Variants in SCUBE1 observed in about 807,000 individuals in gnomAD.
SCUBE1 encodes signal peptide, CUB domain and EGF like domain containing 1, also known as signal peptide, CUB and EGF-like domain-containing protein 1.
In SCUBE1, 59 loss-of-function variants were observed where a neutral mutation model predicts 124.4. The ratio of observed to expected loss-of-function variants is 0.47; its 90% confidence interval spans 0.38 to 0.59. SCUBE1 has a LOEUF of 0.59. Ranked by LOEUF, SCUBE1 falls within the 20% of genes least tolerant of loss-of-function variation. The pLI is 0.00. For synonymous variants in SCUBE1, 545 were observed against 550.9 expected, an observed-to-expected ratio of 0.99 and a Z score of 0.15; for missense variants, 1,150 against 1,371.2, an observed-to-expected ratio of 0.84 and a Z score of 2.55.
chr22:43,204,941 C>CA (rs55783565), intron 21 of SCUBE1, among the ~76,000 whole-genome samples: 3,202 of 76,990 alleles, frequency 0.042, 91 homozygotes, highest in African/African-American at 0.1. Flanking sequence ...GAGACTGTCT[C>CA]AAAAAAAAAA....
At chr22:43,283,260 C>T (rs1009026783) in intron 4 of SCUBE1, 2 of 152,200 alleles carry the variant, frequency 1.3e-5, no homozygotes, top group African/African-American at 4.8e-5. Context: ...TAAACACTGA[C>T]AGACAGCCGT....
At chr22:43,222,884 G>A (rs1194660936) in intron 11 of SCUBE1, 142 bp from the exon 12 acceptor site, 2 of 938,942 alleles carry the variant, frequency 2.1e-6, no homozygotes, top group African/African-American at 3.3e-5. Context: ...CAACCACAGG[G>A]AAGTGGCCAG....
chr22:43,226,107 T>C lies in SCUBE1; in HGVS notation c.1207+1267A>G, dbSNP rs545534826. 5.3e-5 allele frequency among the ~76,000 whole-genome samples: 8 copies of C among 152,286 alleles called. No homozygotes were observed. In the South Asian group the frequency reaches 1.7e-3, roughly 32 times the overall value. On this transcript the variant is annotated intron_variant, in intron 10 of 21. Coordinates refer to ENST00000360835, the MANE Select transcript of SCUBE1 (RefSeq NM_173050.5). ...TTCACTGACAAATATTTACTCTGTG[T>C]CTGTGATTGTCAGGGTCTGTTCCAG...
At chr22:43,249,261 C>T (rs971098613) in intron 6 of SCUBE1, among the ~76,000 whole-genome samples, 2 of 151,250 alleles carry the variant, frequency 1.3e-5, no homozygotes, top group Non-Finnish European at 1.5e-5. Flanking sequence ...ATCAGGGACA[C>T]CCGGGACCCT....
intron 4 of SCUBE1, among the ~76,000 whole-genome samples, chr22:43,264,733 G>A (rs901021530): frequency 3.3e-5 from 5 of 152,162 alleles, no homozygotes; most frequent in African/African-American, 1.2e-4. Context: ...TCCACGGTTC[G>A]CCATCCCACA....
At chr22:43,303,112 C>A (rs751138619) in intron 3 of SCUBE1, among the ~76,000 whole-genome samples, 2 of 152,252 alleles carry the variant, frequency 1.3e-5, no homozygotes, top group Non-Finnish European at 2.9e-5. Context: ...AGCCTCGGTA[C>A]CGTCGGAATT....
At chr22:43,298,579 C>T (rs1322971838) in intron 3 of SCUBE1, among the ~76,000 whole-genome samples, 1 of 152,222 alleles carries the variant, frequency 6.6e-6, no homozygotes, top group Non-Finnish European at 1.5e-5. Context: ...CTGAGTCCTG[C>T]CTTCCAGCCC....
In SCUBE1 at chr22:43,210,227, G is replaced by A. The variant is rs138968120; in HGVS notation, c.2397C>T (p.Gly799=). 1,430 of 1,556,030 alleles carry A rather than the reference G, an allele frequency of 9.2e-4. 8 individuals are homozygous for A. Among genetic ancestry groups the A allele is most frequent in the South Asian group, 4.8e-3 (400 of 83,098 alleles). The change falls in exon 19 of 22, where the codon GGC becomes GGT. Residue 799 remains glycine (G), a synonymous_variant. Coordinates refer to ENST00000360835, the MANE Select transcript of SCUBE1 (RefSeq NM_173050.5). The surrounding 1 kb of genome is among the most constrained non-coding windows in gnomAD (Gnocchi z 4.5). ...NVTHCKNQHC[G]GELGDYTGYI... is the part of the protein sequence containing the mutation. ...AGCCGGTGTAGTCACCAAGCTCGCC[G>A]CCGCAGTGCTGGTCTGTGGGCACAG...
chr22:43,209,964 C>T, intron 19 of SCUBE1, 79 bp downstream of exon 19: 1 of 1,452,846 alleles, frequency 6.9e-7, no homozygotes, highest in Non-Finnish European at 9.3e-7. Flanking sequence ...AGGCAGCGAT[C>T]CCGCCTGGCA....
At chr22:43,337,959 ATCAC>A (rs1927139402) in intron 2 of SCUBE1, among the ~76,000 whole-genome samples, 1 of 152,198 alleles carries the variant, frequency 6.6e-6, no homozygotes, top group East Asian at 1.9e-4. Context: ...TCCTTGTCAT[ATCAC>A]TGTGAACATG....
intron 4 of SCUBE1, among the ~76,000 whole-genome samples, chr22:43,290,603 C>T (rs1241335333): frequency 6.6e-6 from 1 of 152,260 alleles, no homozygotes; most frequent in South Asian, 2.1e-4. Flanking sequence ...CAAGGACCCT[C>T]TCCTGGCGGG....
intron 4 of SCUBE1, among the ~76,000 whole-genome samples, chr22:43,268,963 T>C (rs762192543): frequency 1.3e-5 from 2 of 152,112 alleles, no homozygotes; most frequent in Admixed American, 1.3e-4. Context: ...TTATGGGGAT[T>C]GGGAGGAGGG....
chr22:43,277,259 A>C (rs1924564818), intron 4 of SCUBE1, among the ~76,000 whole-genome samples: 2 of 152,152 alleles, frequency 1.3e-5, no homozygotes, highest in African/African-American at 4.8e-5. Context: ...TGACATGCCA[A>C]GCAAGGACAG....
At position 43,229,038 on chromosome 22, in the gene SCUBE1, G is replaced by T. The variant is rs369081726; in HGVS notation, c.1084+34C>A. ...GCCGTGCGGCCAGGCGCGTGCCTCG[G>T]GGGGGAGGTGGCCCTGGCGGGCAGG... On this transcript the variant is annotated intron_variant, in intron 9 of 21. Coordinates refer to ENST00000360835, the MANE Select transcript of SCUBE1 (RefSeq NM_173050.5). 123 of 1,506,260 alleles carry T rather than the reference G, an allele frequency of 8.2e-5. 5 individuals carry two copies. Among genetic ancestry groups the T allele is most frequent in the South Asian group, 8.1e-4 (71 of 87,808 alleles). 93.3% of individuals were successfully genotyped at this position (1,506,260 alleles called of 1,614,324 possible). A position where few individuals can be genotyped will look rare whatever the true frequency, so the allele number is the denominator to read the frequency against.
intron 3 of SCUBE1, among the ~76,000 whole-genome samples, chr22:43,292,971 G>C (rs1056483544): frequency 2.0e-5 from 3 of 152,224 alleles, no homozygotes; most frequent in African/African-American, 7.2e-5. Flanking sequence ...TCTGACTGGG[G>C]AAGCCTGGGG....
rs567690060 is a variant in SCUBE1 at position 43,209,989 on chromosome 22, C to T, written c.2581+54G>A. ...CCCGCCTGGCAGAACCGCAGCGAGA[C>T]GGGGGTGCACACGCAGCTGAGGCTG... On this transcript the variant is annotated intron_variant, in intron 19 of 21. Transcript: ENST00000360835. 1.5e-3 allele frequency: 2,343 copies of T among 1,515,716 alleles called. 34 individuals are homozygous for T. In the African/African-American group the frequency reaches 0.03, roughly 20 times the overall value. 93.9% of individuals were successfully genotyped at this position (1,515,716 alleles called of 1,614,324 possible). A position where few individuals can be genotyped will look rare whatever the true frequency, so the allele number is the denominator to read the frequency against.
chr22:43,280,717 ACCCTCCTGTCACCTTCCTCCTCG>A (rs1279126405), intron 4 of SCUBE1, among the ~76,000 whole-genome samples: 3 of 67,834 alleles, frequency 4.4e-5, no homozygotes, highest in African/African-American at 6.8e-5. Context: ...CTCCTCGGCC[ACCCTCCTGTCACCTTCCTCCTCG>A]GCCACCCTCC....
chr22:43,339,312 G>A, intron 1 of SCUBE1, 77 bp from the exon 2 acceptor site: 1 of 1,448,104 alleles, frequency 6.9e-7, no homozygotes, highest in African/African-American at 1.4e-5. Flanking sequence ...AGGGCAGGGG[G>A]AGCTCTTGCC....
At chr22:43,233,238 C>A (rs1377214401) in intron 7 of SCUBE1, among the ~76,000 whole-genome samples, 2 of 152,184 alleles carry the variant, frequency 1.3e-5, no homozygotes, top group East Asian at 3.8e-4. Context: ...GTGGCGCATG[C>A]CTGTAATCCC....
Sources: gnomAD v4.1 joint callset for allele counts (sites outside exome capture counted in the v4.1 genomes callset) on GRCh38, gnomAD v4.1.1 for gene constraint, Gnocchi (gnomAD v3.1) non-coding constraint, MANE v1.5 for transcripts, NCBI Gene and HGNC (gene_info 2026-07-23, HGNC 2026-07-21) for gene names.